OR4E2: variants seen among roughly 807,000 people sequenced by gnomAD.
OR4E2 encodes the protein olfactory receptor 4E2.
A neutral mutation model predicts 11.0 loss-of-function variants in OR4E2; 9 were observed. The observed-to-expected ratio is 0.82, with a 90% confidence interval of 0.49 to 1.43. The LOEUF (loss-of-function observed/expected upper bound fraction) is 1.43, where lower values mean the gene tolerates loss of function less well. OR4E2 is among the 40% of genes most tolerant of loss of function. The probability of loss-of-function intolerance (pLI) is 0.00; values close to 1 mark genes in which losing one functional copy is unlikely to be tolerated. For missense variants in OR4E2, 441 were observed against 382.0 expected (o/e 1.15, Z -1.29); for synonymous variants, 159 against 147.3 (o/e 1.08, Z -0.57).
At chr14:21,663,285 C>T (rs973851280) in intron 3 of OR4E2, among the ~76,000 whole-genome samples, 1 of 152,036 alleles carries the variant, frequency 6.6e-6, no homozygotes, top group Non-Finnish European at 1.5e-5. Flanking sequence ...TGAGACCACC[C>T]TGGCTAACAT....
intron 1 of OR4E2, among the ~76,000 whole-genome samples, chr14:21,655,893 G>C (rs1324565596): frequency 6.6e-6 from 1 of 152,102 alleles, no homozygotes; most frequent in Non-Finnish European, 1.5e-5. Flanking sequence ...TTCTGTCTTA[G>C]TTGGCCTGAC....
intron 2 of OR4E2, among the ~76,000 whole-genome samples, chr14:21,658,757 G>C (rs1372191533): frequency 6.6e-6 from 1 of 151,860 alleles, no homozygotes; most frequent in Non-Finnish European, 1.5e-5. Context: ...TTGGAAGAAA[G>C]GTAAAAAAGG....
chr14:21,659,511 T>C (rs12434194), intron 2 of OR4E2, among the ~76,000 whole-genome samples: 5,181 of 151,928 alleles, frequency 0.034, 186 homozygotes, highest in Admixed American at 0.11. Flanking sequence ...TTTTAGTTCT[T>C]TGGTTAAGAA....
At chr14:21,661,347 T>G (rs1880312696) in intron 3 of OR4E2, among the ~76,000 whole-genome samples, 1 of 152,234 alleles carries the variant, frequency 6.6e-6, no homozygotes, top group South Asian at 2.1e-4. Context: ...CGTAAATATA[T>G]ATGCATACAC....
rs1594552405 is a variant in OR4E2, at chr14:21,666,234, G to A, written c.*210G>A. On this transcript the variant is annotated 3_prime_UTR_variant, in exon 4 of 4. Transcript: ENST00000641524. ...TTAAATAAAGCAAAAGATCATAGTGGAAGTTATAAGGAAAAATAACGTGGG... is the reference window on the plus strand; with the variant it reads ...TTAAATAAAGCAAAAGATCATAGTGAAAGTTATAAGGAAAAATAACGTGGG... The A allele has an allele frequency of 2.2e-6, 1 of 451,314 alleles. No individual in the cohort carries two copies. The highest frequency in any genetic ancestry group is 3.8e-5 in the East Asian group (1 of 26,254). 28.0% of individuals were successfully genotyped at this position (451,314 alleles called of 1,614,324 possible).
Position 21,666,457 on chromosome 14 carries a change from A to G in OR4E2, c.*433A>G, listed in dbSNP as rs1452442823. 27 of 154,074 alleles carry G rather than the reference A, an allele frequency of 1.8e-4. No individual in the cohort carries two copies. Among genetic ancestry groups the G allele is most frequent in the Admixed American group, 1.7e-3 (27 of 15,568 alleles). 9.5% of individuals were successfully genotyped at this position (154,074 alleles called of 1,614,324 possible). Reference sequence around the variant, plus strand: ...AGTAGTTTCAATCTTGTTTTCCAATATATTTTCAAGTGTATAAATAAGCCT... The same window carrying G: ...AGTAGTTTCAATCTTGTTTTCCAATGTATTTTCAAGTGTATAAATAAGCCT... On this transcript the variant is annotated 3_prime_UTR_variant, in exon 4 of 4. Transcript: ENST00000641524.
Position 21,666,786 on chromosome 14 carries a change from G to A in OR4E2, c.*762G>A, listed in dbSNP as rs146925686. 3 of 151,126 alleles carry A rather than the reference G, an allele frequency of 2.0e-5. No individual in the cohort carries two copies. In the East Asian group the frequency reaches 5.9e-4, roughly 30 times the overall value. 9.4% of individuals were successfully genotyped at this position (151,126 alleles called of 1,614,324 possible). ...TAGCTCACTGCAACTTCCACCTCCAGGTTTAAGTGATTCTCCTGCCTCAGC... is the reference window on the plus strand; with the variant it reads ...TAGCTCACTGCAACTTCCACCTCCAAGTTTAAGTGATTCTCCTGCCTCAGC... On this transcript the variant is annotated 3_prime_UTR_variant, in exon 4 of 4. Coordinates refer to ENST00000641524, the MANE Select transcript of OR4E2 (RefSeq NM_001001912.3).
At chr14:21,663,977 C>T (rs137997365) in intron 3 of OR4E2, among the ~76,000 whole-genome samples, 2 of 152,218 alleles carry the variant, frequency 1.3e-5, no homozygotes, top group Non-Finnish European at 2.9e-5. Flanking sequence ...TGTTATGTAC[C>T]ACATTTTCTT....
chr14:21,665,544 TC>T lies in OR4E2; in HGVS notation c.463del (p.His155ThrfsTer3). ...VFALWLGGTV[H>X]SLGQTFLTIR... Reference sequence around the variant, plus strand: ...TTGCTCTCTGGTTGGGGGGTACTGTTCACTCACTAGGGCAGACCTTCTTGAC... The same window carrying T: ...TTGCTCTCTGGTTGGGGGGTACTGTTACTCACTAGGGCAGACCTTCTTGAC... On this transcript the variant is annotated frameshift_variant, in exon 4 of 4. Coordinates refer to ENST00000641524, the MANE Select transcript of OR4E2 (RefSeq NM_001001912.3). LOFTEE classifies it high-confidence loss of function. 6.2e-7 allele frequency: 1 copy of T among 1,614,148 alleles called. No homozygotes were observed. The highest frequency in any genetic ancestry group is 8.5e-7 in the Non-Finnish European group (1 of 1,180,010).
intron 3 of OR4E2, among the ~76,000 whole-genome samples, chr14:21,663,864 T>C (rs1373534248): frequency 6.6e-6 from 1 of 152,224 alleles, no homozygotes; most frequent in Non-Finnish European, 1.5e-5. Flanking sequence ...TTTGGTTTTC[T>C]GTTCCTGCAT....
intron 2 of OR4E2, among the ~76,000 whole-genome samples, chr14:21,657,445 TTCCTTCCTTCCTTCCTTCCTTCCTTCC>T (rs1566582018): frequency 0.015 from 55 of 3,588 alleles, no homozygotes; most frequent in African/African-American, 0.038. Context: ...CTTTCTTTCC[TTCCTTCCTTCCTTCCTTCCTTCCTTCC>T]TTCCTTCCTT....
intron 1 of OR4E2, among the ~76,000 whole-genome samples, chr14:21,655,650 G>A (rs1879901110): frequency 6.6e-6 from 1 of 152,104 alleles, no homozygotes; most frequent in African/African-American, 2.4e-5. Context: ...TACAGCCTGG[G>A]TGACAGAGCA....
intron 2 of OR4E2, among the ~76,000 whole-genome samples, chr14:21,660,128 C>T (rs1024323763): frequency 1.3e-5 from 2 of 151,052 alleles, no homozygotes; most frequent in Non-Finnish European, 1.5e-5. Context: ...GGGGTGGGGG[C>T]GATTGGTTTC....
Position 21,665,610 on chromosome 14 carries a change from CT to C in OR4E2, c.529del (p.Tyr177ThrfsTer22). 1 of 1,614,092 alleles carries C rather than the reference CT, an allele frequency of 6.2e-7. No individual in the cohort carries two copies. The highest frequency in any genetic ancestry group is 8.5e-7 in the Non-Finnish European group (1 of 1,179,982). ...PYCGPNIIDS[Y>X]FCDVPLVIKL... Reference sequence around the variant, plus strand: ...ACTGTGGCCCCAACATTATTGACAGCTACTTCTGTGATGTGCCTCTTGTTAT... The same window carrying C: ...ACTGTGGCCCCAACATTATTGACAGCACTTCTGTGATGTGCCTCTTGTTAT... On this transcript the variant is annotated frameshift_variant, in exon 4 of 4. Coordinates refer to ENST00000641524, the MANE Select transcript of OR4E2 (RefSeq NM_001001912.3). LOFTEE classifies it high-confidence loss of function.
At chr14:21,657,436 TTTCTTTCCTTCCTTCCTTCCTTCC>T (rs1487502627) in intron 2 of OR4E2, among the ~76,000 whole-genome samples, 3 of 97,052 alleles carry the variant, frequency 3.1e-5, no homozygotes, top group Non-Finnish European at 6.2e-5. Flanking sequence ...TTCTTTCTTC[TTTCTTTCCTTCCTTCCTTCCTTCC>T]TTCCTTCCTT....
rs1880555378 is a variant in OR4E2 at position 21,665,093 on chromosome 14, T to C, written c.11T>C (p.Leu4Pro). ...CCCTAAGCTCATTGAATGGACAGTCTAAACCAAACAAGAGTGACTGAATTT... is the reference window on the plus strand; with the variant it reads ...CCCTAAGCTCATTGAATGGACAGTCCAAACCAAACAAGAGTGACTGAATTT... Reference protein sequence around the residue: MDSLNQTRVTEFVF... With the variant: MDSPNQTRVTEFVF... Residue 4 changes from leucine to proline, a missense_variant, in exon 4 of 4, where the codon CTA becomes CCA. Coordinates refer to ENST00000641524, the MANE Select transcript of OR4E2 (RefSeq NM_001001912.3). The C allele has an allele frequency of 6.2e-7, 1 of 1,606,878 alleles. No homozygotes were observed. The highest frequency in any genetic ancestry group is 8.5e-7 in the Non-Finnish European group (1 of 1,175,668).
In OR4E2 at chr14:21,667,400, A is replaced by T. The variant is rs1880703454; in HGVS notation, c.*1376A>T. 6.6e-6 allele frequency: 1 copy of T among 152,162 alleles called. No homozygotes were observed. Among genetic ancestry groups the T allele is most frequent in the African/African-American group, 2.4e-5 (1 of 41,440 alleles). The allele number at this position is 152,162 out of a possible 1,614,324, so 9.4% of individuals were successfully genotyped here. A position where few individuals can be genotyped will look rare whatever the true frequency, so the allele number is the denominator to read the frequency against. ...AACTCTAACTAAAGAGTAATACATG[A>T]TTACCTTTTAGTAATCAAAAGGACA... On this transcript the variant is annotated 3_prime_UTR_variant, in exon 4 of 4. Coordinates refer to ENST00000641524, the MANE Select transcript of OR4E2 (RefSeq NM_001001912.3).
rs757376176 is a variant in OR4E2, at chr14:21,665,086, G to C, written c.4G>C (p.Asp2His). ...TTTTCCCCCCTAAGCTCATTGAATG[G>C]ACAGTCTAAACCAAACAAGAGTGAC... The part of the protein sequence containing the change: M[D>H]SLNQTRVTEF... The change falls in exon 4 of 4, where the codon GAC becomes CAC. Residue 2 changes from aspartate (D) to histidine (H), a missense_variant. Coordinates refer to ENST00000641524, the MANE Select transcript of OR4E2 (RefSeq NM_001001912.3). 6.3e-7 allele frequency: 1 copy of C among 1,587,614 alleles called. No individual in the cohort carries two copies. The highest frequency in any genetic ancestry group is 1.1e-5 in the South Asian group (1 of 88,700).
chr14:21,659,899 C>A (rs1454688131), intron 2 of OR4E2, among the ~76,000 whole-genome samples: 2 of 149,464 alleles, frequency 1.3e-5, no homozygotes, highest in African/African-American at 4.9e-5. Context: ...TCAGTGCTTT[C>A]AAAAAATAAA....
Sources: allele counts gnomAD v4.1 joint callset (sites outside exome capture counted in the v4.1 genomes callset), GRCh38; gene constraint gnomAD v4.1.1; transcripts MANE v1.5; gene names NCBI Gene and HGNC (gene_info 2026-07-23, HGNC 2026-07-21).